FGF18: variants seen among roughly 807,000 people sequenced by gnomAD.
FGF18 encodes fibroblast growth factor 18.
Under a neutral mutation model 23.0 loss-of-function variants are expected in FGF18, and 5 were observed. The ratio of observed to expected loss-of-function variants is 0.22; its 90% CI spans 0.11 to 0.46. FGF18 has a LOEUF of 0.46. Among genes scored for constraint, FGF18 ranks in the 20% least tolerant of loss-of-function variants. The pLI is 0.99. For missense variants in FGF18, 180 were observed against 291.6 expected (o/e 0.62, Z 2.79); for synonymous variants, 117 against 118.9 (o/e 0.98, Z 0.10).
intron 2 of FGF18, among the ~76,000 whole-genome samples, chr5:171,425,599 C>T (rs1187333859): frequency 5.5e-5 from 8 of 144,700 alleles, no homozygotes; most frequent in Non-Finnish European, 1.0e-4. Context: ...GGCGTGATCT[C>T]GGTTCACTGT....
chr5:171,430,774 G>A (rs1190879570), intron 2 of FGF18, among the ~76,000 whole-genome samples: 1 of 124,160 alleles, frequency 8.1e-6, no homozygotes, highest in Non-Finnish European at 1.6e-5. Context: ...CGGCCTGGGC[G>A]ACAGAGCAAG....
rs372395610 is a variant in FGF18 at position 171,449,346 on chromosome 5, A to G, written c.357+93A>G. ...TGTGTCCAGGGCACTGTCAGTCCCA[A>G]ATGGAAAACAGGCCGTGTGTGTGTG... On this transcript the variant is annotated intron_variant, in intron 4 of 4. Coordinates refer to ENST00000274625, the MANE Select transcript of FGF18 (RefSeq NM_003862.3). The G allele has an allele frequency of 1.0e-4, 72 of 716,130 alleles. 1 individual carries two copies. Among genetic ancestry groups the G allele is most frequent in the East Asian group, 8.5e-4 (30 of 35,146 alleles). The allele number at this position is 716,130 out of a possible 1,614,324, so 44.4% of individuals were successfully genotyped here.
At chr5:171,448,762 C>T (rs1472058466) in intron 3 of FGF18, among the ~76,000 whole-genome samples, 1 of 151,812 alleles carries the variant, frequency 6.6e-6, no homozygotes, top group Non-Finnish European at 1.5e-5. Context: ...GGTTCTTTGT[C>T]CTGTTTGGTG....
At chr5:171,433,583 G>A (rs1032544207) in intron 2 of FGF18, among the ~76,000 whole-genome samples, 3 of 152,144 alleles carry the variant, frequency 2.0e-5, no homozygotes, top group African/African-American at 7.2e-5. Context: ...GGAAGGAGGC[G>A]GGACCCAGGT....
At chr5:171,454,882 C>T (rs1037959692) in intron 4 of FGF18, among the ~76,000 whole-genome samples, 2 of 152,214 alleles carry the variant, frequency 1.3e-5, no homozygotes, top group South Asian at 2.1e-4. Context: ...TCGAGCAATT[C>T]GGCTGTCTCA....
intron 4 of FGF18, among the ~76,000 whole-genome samples, chr5:171,449,991 T>C (rs1240412685): frequency 6.6e-6 from 1 of 152,072 alleles, no homozygotes; most frequent in Non-Finnish European, 1.5e-5. Flanking sequence ...ATGGAAGGTG[T>C]TATCCACAGG....
Position 171,456,972 on chromosome 5 carries a change from A to G in FGF18, c.*167A>G. 1.1e-6 allele frequency: 1 copy of G among 880,202 alleles called. No individual in the cohort carries two copies. The highest frequency in any genetic ancestry group is 1.8e-5 in the South Asian group (1 of 54,508). The allele number at this position is 880,202 out of a possible 1,614,324, so 54.5% of individuals were successfully genotyped here. On this transcript the variant is annotated 3_prime_UTR_variant, in exon 5 of 5. Coordinates refer to ENST00000274625, the MANE Select transcript of FGF18 (RefSeq NM_003862.3). This position sits in a 1 kb window ranked among gnomAD's most constrained non-coding sequence, Gnocchi z 6.1. ...CAAAACTCTTGGGGGGAGGGGTGAT[A>G]AGGATTTTATTGTTGACTTGAAACC...
In FGF18 at chr5:171,420,122, G is replaced by A; in HGVS notation, c.-78G>A. ...CGGCGGCGGCGGCGGCGGCGGCGGCGGAGGCGCCCGGTCCCGGCCGCGCGG... is the reference window on the plus strand; with the variant it reads ...CGGCGGCGGCGGCGGCGGCGGCGGCAGAGGCGCCCGGTCCCGGCCGCGCGG... On this transcript the variant is annotated 5_prime_UTR_variant, in exon 1 of 5. Coordinates refer to ENST00000274625, the MANE Select transcript of FGF18 (RefSeq NM_003862.3). The A allele has an allele frequency of 8.1e-7, 1 of 1,241,352 alleles. No individual in the cohort carries two copies. The highest frequency in any genetic ancestry group is 1.0e-6 in the Non-Finnish European group (1 of 980,064). 76.9% of individuals were successfully genotyped at this position (1,241,352 alleles called of 1,614,324 possible).
chr5:171,432,403 A>G (rs1772193972), intron 2 of FGF18, among the ~76,000 whole-genome samples: 1 of 151,528 alleles, frequency 6.6e-6, no homozygotes, highest in African/African-American at 2.4e-5. Context: ...ATATTTACTT[A>G]TTTATTCATT....
At chr5:171,427,676 A>G (rs1194396324) in intron 2 of FGF18, among the ~76,000 whole-genome samples, 1 of 152,216 alleles carries the variant, frequency 6.6e-6, no homozygotes, top group Non-Finnish European at 1.5e-5. Context: ...ACAAACATTT[A>G]TGGGACGCTT....
At chr5:171,449,388 TGTGTGTGTGTGTGAGAGA>T (rs1383930382) in intron 4 of FGF18, 135 bp downstream of exon 4, 165 of 513,038 alleles carry the variant, frequency 3.2e-4, no homozygotes, top group Non-Finnish European at 5.2e-4. Context: ...TGTGTGTGTG[TGTGTGTGTGTGTGAGAGA>T]GAGAGAGAGA....
intron 2 of FGF18, among the ~76,000 whole-genome samples, chr5:171,421,282 G>A (rs1361668776): frequency 6.6e-6 from 1 of 152,180 alleles, no homozygotes; most frequent in Non-Finnish European, 1.5e-5. Context: ...AAAGGGAGCC[G>A]ACTTCAGCCC....
chr5:171,425,678 G>A (rs189929391), intron 2 of FGF18, among the ~76,000 whole-genome samples: 83 of 151,946 alleles, frequency 5.5e-4, no homozygotes, highest in South Asian at 4.6e-3. Context: ...CTACAGGCAC[G>A]AGCCACCATG....
In FGF18 at chr5:171,436,147, C is replaced by T. The variant is rs1364168143; in HGVS notation, c.124C>T (p.Arg42Trp). 5 of 1,574,398 alleles carry T rather than the reference C, an allele frequency of 3.2e-6. No homozygotes were observed. Among genetic ancestry groups the T allele is most frequent in the Admixed American group, 1.8e-5 (1 of 56,334 alleles). Residue 42 changes from arginine (R) to tryptophan (W), a missense_variant, in exon 3 of 5, where the codon CGG (arginine) becomes TGG (tryptophan). Around this residue, in one of 3 missense-constraint regions of FGF18, gnomAD observed 57 missense variants for 59.8 expected, o/e 0.95. Coordinates refer to ENST00000274625, the MANE Select transcript of FGF18 (RefSeq NM_003862.3). The surrounding 1 kb of genome is among the most constrained non-coding windows in gnomAD (Gnocchi z 4.4). ...DFRIHVENQT[R>W]ARDDVSRKQL... ...CCGCATCCACGTGGAGAACCAGACG[C>T]GGGCTCGGGACGATGTGAGCCGTAA...
Position 171,457,167 on chromosome 5 carries a change from AAAAAACAAAAAAAAAG to A in FGF18, c.*372_*387del, listed in dbSNP as rs1315795862. On this transcript the variant is annotated 3_prime_UTR_variant, in exon 5 of 5. Coordinates refer to ENST00000274625, the MANE Select transcript of FGF18 (RefSeq NM_003862.3). Reference sequence around the variant, plus strand: ...CCAAAGGTTCTGAAAGGAAAAAAAAAAAAAACAAAAAAAAAGAAAAACAAAGAGAAAGTAGTACTCC... The same window carrying A: ...CCAAAGGTTCTGAAAGGAAAAAAAAAAAAAACAAAGAGAAAGTAGTACTCC... 1.7e-5 allele frequency: 3 copies of A among 180,384 alleles called. No homozygotes were observed. In the East Asian group the frequency reaches 4.4e-4, roughly 26 times the overall value. 11.2% of individuals were successfully genotyped at this position (180,384 alleles called of 1,614,324 possible). A position where few individuals can be genotyped will look rare whatever the true frequency, so the allele number is the denominator to read the frequency against.
chr5:171,456,959 G>T lies in FGF18; in HGVS notation c.*154G>T. The T allele has an allele frequency of 1.0e-6, 1 of 954,598 alleles. No individual in the cohort carries two copies. The highest frequency in any genetic ancestry group is 1.8e-5 in the South Asian group (1 of 56,526). 59.1% of individuals were successfully genotyped at this position (954,598 alleles called of 1,614,324 possible). ...ACAAAAACTGAACCAAAACTCTTGG[G>T]GGGAGGGGTGATAAGGATTTTATTG... On this transcript the variant is annotated 3_prime_UTR_variant, in exon 5 of 5. Coordinates refer to ENST00000274625, the MANE Select transcript of FGF18 (RefSeq NM_003862.3). This position sits in a 1 kb window ranked among gnomAD's most constrained non-coding sequence, Gnocchi z 6.1.
intron 2 of FGF18, among the ~76,000 whole-genome samples, chr5:171,421,994 G>A (rs1258001686): frequency 6.6e-6 from 1 of 152,130 alleles, no homozygotes; most frequent in Non-Finnish European, 1.5e-5. Context: ...ACTCCAGGGG[G>A]TCTGCTTGTC....
At chr5:171,452,684 C>T (rs1049969409) in intron 4 of FGF18, among the ~76,000 whole-genome samples, 8 of 152,172 alleles carry the variant, frequency 5.3e-5, no homozygotes, top group African/African-American at 1.9e-4. Context: ...TTTTTCTCAT[C>T]TGCCACCACC....
At chr5:171,421,248 G>T (rs889879202) in intron 2 of FGF18, among the ~76,000 whole-genome samples, 4 of 152,194 alleles carry the variant, frequency 2.6e-5, no homozygotes, top group African/African-American at 9.7e-5. Flanking sequence ...AAAAGGGTTG[G>T]GGGGAGGGAG....
Sources: allele counts gnomAD v4.1 joint callset (sites outside exome capture counted in the v4.1 genomes callset), GRCh38; gene constraint gnomAD v4.1.1; regional missense constraint gnomAD v4.1.1; non-coding constraint Gnocchi (gnomAD v3.1); transcripts MANE v1.5; gene names NCBI Gene and HGNC (gene_info 2026-07-23, HGNC 2026-07-21).